The following SLC10A7 variants were observed in gnomAD, a reference collection of about 807,000 sequenced individuals.
SLC10A7 encodes the protein solute carrier family 10 member 7.
Under a neutral mutation model 43.2 loss-of-function variants are expected in SLC10A7, and 29 were observed. The observed-to-expected ratio is 0.67, with a 90% CI of 0.50 to 0.92. The LOEUF is 0.92. Among genes scored for constraint, SLC10A7 ranks in the 40% least tolerant of loss-of-function variants. The pLI, the probability that SLC10A7 is intolerant of heterozygous loss-of-function variation, is 0.00. For synonymous variants in SLC10A7, 152 were observed against 144.8 expected, an observed-to-expected ratio of 1.05 and a Z score of -0.35; for missense variants, 295 against 403.2, an observed-to-expected ratio of 0.73 and a Z score of 2.30.
intron 4 of SLC10A7, among the ~76,000 whole-genome samples, chr4:146,462,990 C>A (rs1170492403): frequency 6.6e-6 from 1 of 152,152 alleles, no homozygotes; most frequent in Non-Finnish European, 1.5e-5. Flanking sequence ...GCTTAAAGGT[C>A]TTGTCCCCAG....
intron 5 of SLC10A7, among the ~76,000 whole-genome samples, chr4:146,395,172 C>T (rs1322700936): frequency 6.6e-6 from 1 of 151,864 alleles, no homozygotes; most frequent in Non-Finnish European, 1.5e-5. Context: ...AGTTTGAGAC[C>T]AGCCTCAGCA....
chr4:146,519,345 C>CTATCT (rs1460982173), intron 1 of SLC10A7, among the ~76,000 whole-genome samples: 1 of 143,262 alleles, frequency 7.0e-6, no homozygotes, highest in Non-Finnish European at 1.5e-5. Context: ...ATAATATTAT[C>CTATCT]TATATATAGA....
chr4:146,349,989 A>C (rs1734918883), intron 5 of SLC10A7, among the ~76,000 whole-genome samples: 1 of 152,094 alleles, frequency 6.6e-6, no homozygotes, highest in African/African-American at 2.4e-5. Flanking sequence ...TCTAAAATAA[A>C]AGTTGAAATT....
At chr4:146,287,269 G>A (rs760734666) in intron 9 of SLC10A7, among the ~76,000 whole-genome samples, 2 of 152,122 alleles carry the variant, frequency 1.3e-5, no homozygotes, top group African/African-American at 2.4e-5. Flanking sequence ...TCTGGCAAAG[G>A]GAAGAAAAAG....
At chr4:146,386,542 A>G (rs1259712569) in intron 5 of SLC10A7, among the ~76,000 whole-genome samples, 2 of 152,184 alleles carry the variant, frequency 1.3e-5, no homozygotes, top group East Asian at 3.8e-4. Flanking sequence ...CTAATATCTT[A>G]GCATGTATTC....
At chr4:146,438,015 G>C (rs1730328228) in intron 5 of SLC10A7, among the ~76,000 whole-genome samples, 1 of 151,570 alleles carries the variant, frequency 6.6e-6, no homozygotes, top group Admixed American at 6.6e-5. Context: ...CATTGTACAG[G>C]AAAGGAAAAA....
intron 5 of SLC10A7, among the ~76,000 whole-genome samples, chr4:146,390,036 A>T (rs1301266443): frequency 6.6e-6 from 1 of 152,260 alleles, no homozygotes; most frequent in East Asian, 1.9e-4. Context: ...AGTACATAAC[A>T]TCACTAAGGT....
At position 146,325,949 on chromosome 4, in the gene SLC10A7, CA is replaced by C. The variant is rs748605103; in HGVS notation, c.471+11del. The C allele has an allele frequency of 2.5e-6, 4 of 1,608,828 alleles. No homozygotes were observed. The highest frequency in any genetic ancestry group is 3.4e-6 in the Non-Finnish European group (4 of 1,176,834). ...TAATAAAATATATTAAAGACAACAT[CA>C]AAATACTCACAAAAAGCAGCAGGAG... is the stretch of plus-strand genomic sequence containing the variant. On this transcript the variant is annotated intron_variant, in intron 6 of 11. Transcript: ENST00000335472.
chr4:146,349,870 A>G (rs111963516), intron 5 of SLC10A7, among the ~76,000 whole-genome samples: 1,666 of 152,162 alleles, frequency 0.011, 26 homozygotes, highest in African/African-American at 0.038. Flanking sequence ...AGGGTTGAAA[A>G]CCTACTGGGT....
intron 4 of SLC10A7, among the ~76,000 whole-genome samples, chr4:146,482,583 G>A (rs201873862): frequency 1.8e-4 from 27 of 147,956 alleles, no homozygotes; most frequent in African/African-American, 5.2e-4. Context: ...GAAAAAATAA[G>A]AAAAAAAAAA....
At chr4:146,478,478 T>C (rs1274022061) in intron 4 of SLC10A7, among the ~76,000 whole-genome samples, 1 of 152,212 alleles carries the variant, frequency 6.6e-6, no homozygotes. Context: ...CAATCATCTT[T>C]AAGAATTCAC....
At chr4:146,402,232 T>G (rs1739273394) in intron 5 of SLC10A7, among the ~76,000 whole-genome samples, 1 of 152,158 alleles carries the variant, frequency 6.6e-6, no homozygotes, top group Non-Finnish European at 1.5e-5. Flanking sequence ...TATCTATCTA[T>G]CTACATGTAT....
rs74731716 is a variant in SLC10A7, at chr4:146,380,657, G to A, written c.436-54661C>T. 8.7e-4 allele frequency among the ~76,000 whole-genome samples: 133 copies of A among 152,140 alleles called. No individual in the cohort carries two copies. In the East Asian group the frequency reaches 0.02, roughly 22 times the overall value. On this transcript the variant is annotated intron_variant, in intron 5 of 11. Transcript: ENST00000335472. Reference sequence around the variant, plus strand: ...TTGCATTGCAATTCAAAATGTAGGCGATCCATTGAGACTTTCTGAAATGAA... The same window carrying A: ...TTGCATTGCAATTCAAAATGTAGGCAATCCATTGAGACTTTCTGAAATGAA...
chr4:146,463,155 G>A lies in SLC10A7; in HGVS notation c.397-20334C>T, dbSNP rs114647945. Among the ~76,000 whole-genome samples the A allele has an allele frequency of 6.4e-3, 978 of 152,158 alleles. 4 individuals are homozygous for A. The highest frequency in any genetic ancestry group is 0.01 in the Non-Finnish European group (689 of 67,992). On this transcript the variant is annotated intron_variant, in intron 4 of 11. Coordinates refer to ENST00000335472, the MANE Select transcript of SLC10A7 (RefSeq NM_001029998.6). ...CTAGATTTTACTCTAAAATGCAAGCGATGAAAATTGGGAAAACGGCCTGAA... is the reference window on the plus strand; with the variant it reads ...CTAGATTTTACTCTAAAATGCAAGCAATGAAAATTGGGAAAACGGCCTGAA...
chr4:146,392,940 T>C (rs568868504), intron 5 of SLC10A7, among the ~76,000 whole-genome samples: 3 of 152,136 alleles, frequency 2.0e-5, no homozygotes, highest in South Asian at 2.1e-4. Flanking sequence ...GGCTTTCTTT[T>C]AGTTCCTTAA....
At chr4:146,261,880 C>T (rs774356078) in intron 10 of SLC10A7, among the ~76,000 whole-genome samples, 2 of 152,186 alleles carry the variant, frequency 1.3e-5, no homozygotes, top group Non-Finnish European at 1.5e-5. Flanking sequence ...GTCAATCACT[C>T]GCCAGGGGGA....
At chr4:146,297,098 G>A (rs978051774) in intron 7 of SLC10A7, among the ~76,000 whole-genome samples, 2 of 152,148 alleles carry the variant, frequency 1.3e-5, no homozygotes, top group African/African-American at 4.8e-5. Context: ...ACATTCTGGT[G>A]AGGTGGCCAG....
intron 5 of SLC10A7, among the ~76,000 whole-genome samples, chr4:146,372,561 A>G (rs562569863): frequency 6.6e-6 from 1 of 152,228 alleles, no homozygotes; most frequent in African/African-American, 2.4e-5. Context: ...TTTTACTCAT[A>G]TTGCCCACTA....
intron 6 of SLC10A7, among the ~76,000 whole-genome samples, chr4:146,321,631 C>A (rs1412817361): frequency 6.6e-6 from 1 of 152,038 alleles, no homozygotes; most frequent in Admixed American, 6.6e-5. Flanking sequence ...GAGATGGGGT[C>A]TCTGTATGTT....
Sources: allele counts gnomAD v4.1 joint callset (sites outside exome capture counted in the v4.1 genomes callset), GRCh38; gene constraint gnomAD v4.1.1; transcripts MANE v1.5; gene names NCBI Gene and HGNC (gene_info 2026-07-23, HGNC 2026-07-21).